Variants in NLGN4X observed in about 807,000 individuals in gnomAD.
NLGN4X encodes the protein neuroligin 4 X-linked, also known as neuroligin-4, X-linked.
Under a neutral mutation model 40.3 loss-of-function variants are expected in NLGN4X, and 3 were observed. The ratio of observed to expected loss-of-function variants is 0.07; its 90% CI spans 0.03 to 0.19. The LOEUF (loss-of-function observed/expected upper bound fraction) is 0.19, where lower values mean the gene tolerates loss of function less well. NLGN4X is among the 10% of genes least tolerant of loss of function. The pLI, the probability that NLGN4X is intolerant of heterozygous loss-of-function variation, is 1.00. For synonymous variants in NLGN4X, 270 were observed against 306.8 expected (o/e 0.88, Z 1.25); for missense variants, 382 against 708.3 (o/e 0.54, Z 5.23).
intron 1 of NLGN4X, among the ~76,000 whole-genome samples, chrX:6,215,129 A>G (rs1248572983): frequency 8.9e-6 from 1 of 112,632 alleles, no homozygotes; most frequent in African/African-American, 3.2e-5. Flanking sequence ...TAAATAATGC[A>G]CTTTGCTTTA....
chrX:6,082,963 T>C (rs1342619591), intron 2 of NLGN4X, among the ~76,000 whole-genome samples: 2 of 87,283 alleles, frequency 2.3e-5, no homozygotes, highest in African/African-American at 4.3e-5. Context: ...TTTCTTTTTT[T>C]TTTTTTTTTT....
chrX:6,017,721 T>C (rs1011789422), intron 3 of NLGN4X, among the ~76,000 whole-genome samples: 3 of 112,034 alleles, frequency 2.7e-5, no homozygotes, highest in African/African-American at 6.5e-5. Context: ...TGCAGTACCA[T>C]AGTCTCTTTG....
At chrX:5,995,674 T>A (rs1488091158) in intron 3 of NLGN4X, among the ~76,000 whole-genome samples, 1 of 112,293 alleles carries the variant, frequency 8.9e-6, no homozygotes, top group Non-Finnish European at 1.9e-5. Context: ...GGAGTCCTTC[T>A]CAATGAGGCT....
chrX:6,131,227 G>T (rs2039675657), intron 2 of NLGN4X, among the ~76,000 whole-genome samples: 1 of 109,727 alleles, frequency 9.1e-6, no homozygotes, highest in Non-Finnish European at 1.9e-5. Flanking sequence ...GAAATAATTG[G>T]GACAAAGATC....
At chrX:5,913,291 G>A (rs1331500758) in intron 3 of NLGN4X, among the ~76,000 whole-genome samples, 1 of 111,411 alleles carries the variant, frequency 9.0e-6, no homozygotes, top group Non-Finnish European at 1.9e-5. Context: ...CCTCCTGATT[G>A]TAGAAAGCAA....
intron 1 of NLGN4X, among the ~76,000 whole-genome samples, chrX:6,220,584 AG>A (rs1925569361): frequency 9.2e-6 from 1 of 108,435 alleles, no homozygotes; most frequent in Admixed American, 1.0e-4. Flanking sequence ...TACTCAAATT[AG>A]AAAAAAAAAG....
At chrX:5,984,874 G>A (rs967895709) in intron 3 of NLGN4X, among the ~76,000 whole-genome samples, 2 of 112,102 alleles carry the variant, frequency 1.8e-5, no homozygotes, top group South Asian at 3.7e-4. Context: ...TTAGATCACC[G>A]ATAGATTCTT....
intron 2 of NLGN4X, among the ~76,000 whole-genome samples, chrX:6,121,802 G>C (rs1268696464): frequency 8.9e-6 from 1 of 112,547 alleles, no homozygotes; most frequent in African/African-American, 3.2e-5. Context: ...TGAGACTCAG[G>C]TGCATTTCAC....
In NLGN4X at chrX:5,935,866, C is replaced by T. The variant is rs145779031; in HGVS notation, c.626-26627G>A. Among the ~76,000 whole-genome samples, 663 of 111,928 alleles carry T rather than the reference C, an allele frequency of 5.9e-3. 5 individuals are homozygous for T. The highest frequency in any genetic ancestry group is 0.02 in the African/African-American group (632 of 30,859). ...TAGGATGATCCTATTTATAAAAGAT[C>T]AAAAGCAGAGCGAACAATATATTCT... On this transcript the variant is annotated intron_variant, in intron 3 of 5. Transcript: ENST00000381095.
At chrX:6,171,103 C>T (rs1029615281) in intron 1 of NLGN4X, among the ~76,000 whole-genome samples, 2 of 112,391 alleles carry the variant, frequency 1.8e-5, no homozygotes, top group African/African-American at 3.2e-5. Flanking sequence ...GGATTACAGG[C>T]GTGAGCCACT....
intron 1 of NLGN4X, among the ~76,000 whole-genome samples, chrX:6,186,578 C>T (rs768275000): frequency 8.9e-6 from 1 of 112,098 alleles, no homozygotes; most frequent in South Asian, 3.7e-4. Context: ...AAAAAAGTAT[C>T]TGCACAAAGG....
intron 2 of NLGN4X, among the ~76,000 whole-genome samples, chrX:6,118,382 A>T (rs1230327384): frequency 3.6e-5 from 4 of 111,175 alleles, no homozygotes; most frequent in Non-Finnish European, 7.5e-5. Context: ...CAGTCTCCTA[A>T]TTCCCTCACC....
chrX:6,126,291 A>ATG (rs955966614), intron 2 of NLGN4X, among the ~76,000 whole-genome samples: 1 of 111,949 alleles, frequency 8.9e-6, no homozygotes, highest in African/African-American at 3.2e-5. Context: ...AAAATCATGA[A>ATG]TGGGAACAAA....
chrX:5,968,402 T>C (rs1029347998), intron 3 of NLGN4X, among the ~76,000 whole-genome samples: 3 of 83,921 alleles, frequency 3.6e-5, no homozygotes, highest in African/African-American at 1.4e-4. Flanking sequence ...TTGCTACCAA[T>C]TGGATCTAGT....
At chrX:5,959,838 G>A (rs1156497587) in intron 3 of NLGN4X, among the ~76,000 whole-genome samples, 1 of 111,002 alleles carries the variant, frequency 9.0e-6, no homozygotes, top group Non-Finnish European at 1.9e-5. Context: ...GTTTGTTTTG[G>A]TTATGATTTA....
intron 2 of NLGN4X, among the ~76,000 whole-genome samples, chrX:6,105,442 G>GTA (rs770573974): frequency 9.0e-6 from 1 of 111,075 alleles, no homozygotes; most frequent in Non-Finnish European, 1.9e-5. Context: ...AAAAAAAAAA[G>GTA]TACATTAGAT....
rs546076660 is a variant in NLGN4X at position 5,915,357 on chromosome X, A to G, written c.626-6118T>C. Among the ~76,000 whole-genome samples, 3 of 112,063 alleles carry G rather than the reference A, an allele frequency of 2.7e-5. No homozygotes were observed. In the Middle Eastern group the frequency reaches 0.014, roughly 512 times the overall value. ...GTATTTTTTAAGTGCTTTAGTTTAAATTACATGAAATAAAAAAAAACTGAA... is the reference window on the plus strand; with the variant it reads ...GTATTTTTTAAGTGCTTTAGTTTAAGTTACATGAAATAAAAAAAAACTGAA... On this transcript the variant is annotated intron_variant, in intron 3 of 5. Transcript: ENST00000381095.
At chrX:6,074,000 A>G (rs1297896408) in intron 2 of NLGN4X, among the ~76,000 whole-genome samples, 1 of 110,403 alleles carries the variant, frequency 9.1e-6, no homozygotes, top group African/African-American at 3.3e-5. Flanking sequence ...ATTCTGTCAC[A>G]GGGACATTTG....
At chrX:6,187,413 G>A (rs1166402847) in intron 1 of NLGN4X, 1 of 110,050 alleles carries the variant, frequency 9.1e-6, no homozygotes, top group Admixed American at 9.6e-5. Flanking sequence ...GCGGACGCAT[G>A]CGCACGTACA....
Sources: allele counts gnomAD v4.1 joint callset (sites outside exome capture counted in the v4.1 genomes callset), GRCh38; gene constraint gnomAD v4.1.1; transcripts MANE v1.5; gene names NCBI Gene and HGNC (gene_info 2026-07-23, HGNC 2026-07-21).